Variants in PPM1F observed in about 807,000 individuals in gnomAD.
PPM1F encodes protein phosphatase, Mg2+/Mn2+ dependent 1F, also known as protein phosphatase 1F.
A neutral mutation model predicts 35.5 loss-of-function variants in PPM1F; 17 were observed. That is an observed-to-expected ratio of 0.48 (90% CI 0.33 to 0.72). PPM1F has a LOEUF of 0.72. Among genes scored for constraint, PPM1F ranks in the 30% least tolerant of loss-of-function variants. The pLI is 0.02. For synonymous variants in PPM1F, 241 were observed against 255.5 expected (o/e 0.94, Z 0.54); for missense variants, 521 against 613.0 (o/e 0.85, Z 1.59).
chr22:21,930,306 T>G (rs1370151429), intron 6 of PPM1F, among the ~76,000 whole-genome samples: 2 of 152,198 alleles, frequency 1.3e-5, no homozygotes, highest in Non-Finnish European at 1.5e-5. Context: ...CTACCCAGAC[T>G]GTACGTGCAT....
At chr22:21,934,416 T>G (rs904230722) in intron 3 of PPM1F, 190 bp from the exon 4 acceptor site, 1 of 576,756 alleles carries the variant, frequency 1.7e-6, no homozygotes, top group Non-Finnish European at 3.0e-6. Flanking sequence ...GTTTGGCAAC[T>G]TGCCCCTTGA....
rs186129813 is a variant in PPM1F at position 21,938,125 on chromosome 22, G to A, written c.355+1407C>T. On this transcript the variant is annotated intron_variant, in intron 3 of 7. Coordinates refer to ENST00000263212, the MANE Select transcript of PPM1F (RefSeq NM_014634.4). ...GCAGGCGAGACTTCCTTCTAGCTGC[G>A]CCCTCCCTCCTTCCCAGGCCTGCAG... The A allele has an allele frequency of 4.0e-5, 52 of 1,300,594 alleles. No homozygotes were observed. The African/African-American group carries it at 7.0e-4, about 17-fold the overall frequency. 80.6% of individuals were successfully genotyped at this position (1,300,594 alleles called of 1,614,324 possible).
chr22:21,938,566 G>T, intron 3 of PPM1F: 1 of 1,031,526 alleles, frequency 9.7e-7, no homozygotes, highest in Non-Finnish European at 1.2e-6. Context: ...TAGTAATGCC[G>T]AATTTAGAAC....
chr22:21,930,875 A>G (rs2070580560), intron 6 of PPM1F, among the ~76,000 whole-genome samples: 1 of 152,082 alleles, frequency 6.6e-6, no homozygotes, highest in Admixed American at 6.5e-5. Flanking sequence ...TCTGGTCTGC[A>G]CTGGGCTGCA....
rs141514413 is a variant in PPM1F, at chr22:21,933,502, G to A, written c.636C>T (p.His212=). 11 of 1,613,544 alleles carry A rather than the reference G, an allele frequency of 6.8e-6. No individual in the cohort carries two copies. The highest frequency in any genetic ancestry group is 4.5e-5 in the East Asian group (2 of 44,868). ...GVDAARYAAV[H]VHTNAARQPE... ...GCTGGCGGGCAGCGTTGGTGTGCACGTGGACAGCGGCGTACCTCGCAGCAT... is the reference window on the plus strand; with the variant it reads ...GCTGGCGGGCAGCGTTGGTGTGCACATGGACAGCGGCGTACCTCGCAGCAT... Residue 212 remains histidine, a synonymous_variant, in exon 5 of 8, where the codon CAC becomes CAT. Transcript: ENST00000263212.
chr22:21,939,729 C>T lies in PPM1F; in HGVS notation c.207-49G>A. ...AGGGGCAGCCCCCAGCAGGAGACCA[C>T]ACCTAGCCCCCCTTCCCCAACTGTC... is the stretch of plus-strand genomic sequence containing the variant. On this transcript the variant is annotated intron_variant, in intron 2 of 7. Coordinates refer to ENST00000263212, the MANE Select transcript of PPM1F (RefSeq NM_014634.4). This position sits in a 1 kb window ranked among gnomAD's most constrained non-coding sequence, Gnocchi z 5.1. 2 of 1,545,696 alleles carry T rather than the reference C, an allele frequency of 1.3e-6. No homozygotes were observed. Among genetic ancestry groups the T allele is most frequent in the Non-Finnish European group, 8.7e-7 (1 of 1,143,348 alleles).
chr22:21,931,401 G>T, intron 5 of PPM1F, 110 bp from the exon 6 acceptor site: 1 of 1,113,016 alleles, frequency 9.0e-7, no homozygotes, highest in Non-Finnish European at 1.3e-6. Context: ...TTACTGTGGT[G>T]AGGAATCCAC....
At position 21,923,274 on chromosome 22, in the gene PPM1F, C is replaced by T; in HGVS notation, c.1183G>A (p.Ala395Thr). Residue 395 changes from alanine (A) to threonine (T), a missense_variant, in exon 8 of 8, where the codon GCT (alanine) becomes ACT (threonine). Ala to Thr is a moderately conservative substitution (Grantham distance 58). This residue lies in a region of PPM1F where 163 missense variants were observed against 169.6 expected (regional missense o/e 0.96). Transcript: ENST00000263212. ...TGGGAGCCCCGCTCCCGGGCCGCAG[C>T]CACCAGCTCCTCGGCGACACGGAGC... ...SGLRVAEELV[A>T]AARERGSHDN... The T allele has an allele frequency of 1.9e-6, 3 of 1,613,522 alleles. No homozygotes were observed. Among genetic ancestry groups the T allele is most frequent in the Non-Finnish European group, 2.5e-6 (3 of 1,179,970 alleles).
At position 21,933,450 on chromosome 22, in the gene PPM1F, C is replaced by T. The variant is rs1310669846; in HGVS notation, c.688G>A (p.Ala230Thr). The T allele has an allele frequency of 1.2e-6, 2 of 1,613,368 alleles. No individual in the cohort carries two copies. The highest frequency in any genetic ancestry group is 1.3e-5 in the African/African-American group (1 of 75,070). Residue 230 changes from alanine to threonine, a missense_variant, in exon 5 of 8, where the codon GCC becomes ACC. Physicochemically the swap from Ala to Thr is moderately conservative, Grantham distance 58 (BLOSUM62 0). Coordinates refer to ENST00000263212, the MANE Select transcript of PPM1F (RefSeq NM_014634.4). ...GTGCGCCGGAAGGCTTCTCTGAGGG[C>T]TCCCTCAGGGTCTGTGGGCAGCTCT... ...QPELPTDPEG[A>T]LREAFRRTDQ...
In PPM1F at chr22:21,939,433, C is replaced by T. The variant is rs2070699352; in HGVS notation, c.355+99G>A. The T allele has an allele frequency of 6.7e-7, 1 of 1,490,724 alleles. No homozygotes were observed. The highest frequency in any genetic ancestry group is 9.1e-7 in the Non-Finnish European group (1 of 1,097,562). 92.3% of individuals were successfully genotyped at this position (1,490,724 alleles called of 1,614,324 possible). A position where few individuals can be genotyped will look rare whatever the true frequency, so the allele number is the denominator to read the frequency against. ...CTGCCGTTGTGAGCGAGGGCCCCAG[C>T]ACCCTTAGGGACCCCAATCAATGGG... On this transcript the variant is annotated intron_variant, in intron 3 of 7. Transcript: ENST00000263212. The surrounding 1 kb of genome is among the most constrained non-coding windows in gnomAD (Gnocchi z 5.1).
At chr22:21,923,628 C>T (rs1601775909) in intron 7 of PPM1F, among the ~76,000 whole-genome samples, 157 bp from the exon 8 acceptor site, 1 of 152,156 alleles carries the variant, frequency 6.6e-6, no homozygotes, top group South Asian at 2.1e-4. Context: ...CTGCCCAGTA[C>T]TTCCCACTTG....
chr22:21,949,881 T>C (rs1159496858), intron 1 of PPM1F: 1 of 152,274 alleles, frequency 6.6e-6, no homozygotes, highest in Non-Finnish European at 1.5e-5. Context: ...AGGTGAGAAA[T>C]GGCAAAGCAA....
At chr22:21,948,324 T>G (rs1217136703) in intron 1 of PPM1F, 1 of 42,550 alleles carries the variant, frequency 2.4e-5, no homozygotes, top group Non-Finnish European at 4.5e-5. Flanking sequence ...CCCCCATCTC[T>G]ACCAAAAAAG....
chr22:21,928,790 C>T (rs1328030758), intron 6 of PPM1F, among the ~76,000 whole-genome samples: 1 of 152,172 alleles, frequency 6.6e-6, no homozygotes, highest in African/African-American at 2.4e-5. Context: ...CCTGGTCTCT[C>T]CCCTGGCCTG....
At chr22:21,937,894 C>G in intron 3 of PPM1F, 1 of 340,018 alleles carries the variant, frequency 2.9e-6, no homozygotes, top group Non-Finnish European at 5.5e-6. Flanking sequence ...CGGGGAGGGG[C>G]TGACTGGCAG....
At position 21,934,144 on chromosome 22, in the gene PPM1F, C is replaced by T; in HGVS notation, c.438G>A (p.Leu146=). ...VAGQWQKQVP[L]AARASQRQWL... ...ACTGCCGCTGTGAGGCCCGGGCAGC[C>T]AATGGCACCTGCTTCTGCCACTGGC... The change falls in exon 4 of 8, where the codon TTG becomes TTA. Residue 146 remains leucine, a synonymous_variant. Transcript: ENST00000263212. The T allele has an allele frequency of 3.8e-6, 6 of 1,576,174 alleles. No homozygotes were observed. The highest frequency in any genetic ancestry group is 2.3e-5 in the East Asian group (1 of 43,104).
At chr22:21,934,405 A>G (rs1409501377) in intron 3 of PPM1F, 179 bp from the exon 4 acceptor site, 2 of 588,330 alleles carry the variant, frequency 3.4e-6, no homozygotes, top group African/African-American at 3.8e-5. Context: ...AGAAATGTCT[A>G]GTTTGGCAAC....
At chr22:21,944,412 A>G (rs1430748852) in intron 2 of PPM1F, 1 of 152,206 alleles carries the variant, frequency 6.6e-6, no homozygotes, top group Non-Finnish European at 1.5e-5. Flanking sequence ...GGGTGTCAGG[A>G]ACAGAGTTGA....
chr22:21,950,513 G>A (rs1404027705), intron 1 of PPM1F: 2 of 151,914 alleles, frequency 1.3e-5, no homozygotes, highest in Non-Finnish European at 2.9e-5. Flanking sequence ...TACTTGTTGA[G>A]TCTTGCTTAA....
Sources: gnomAD v4.1 joint callset for allele counts (sites outside exome capture counted in the v4.1 genomes callset) on GRCh38, gnomAD v4.1.1 for gene constraint, gnomAD v4.1.1 regional missense constraint, Gnocchi (gnomAD v3.1) non-coding constraint, MANE v1.5 for transcripts, NCBI Gene and HGNC (gene_info 2026-07-23, HGNC 2026-07-21) for gene names.